ZNF280C: variants seen among roughly 807,000 people sequenced by gnomAD.
ZNF280C encodes the protein suppressor of hairy wing homolog 3.
Under a neutral mutation model 53.6 loss-of-function variants are expected in ZNF280C, and 14 were observed. The ratio of observed to expected loss-of-function variants is 0.26; its 90% CI spans 0.17 to 0.41. ZNF280C has a LOEUF of 0.41. Ranked by LOEUF, ZNF280C falls within the 10% of genes least tolerant of loss-of-function variation. The pLI is 1.00. For synonymous variants in ZNF280C, 203 were observed against 181.1 expected, an observed-to-expected ratio of 1.12 and a Z score of -0.97; for missense variants, 416 against 547.1, an observed-to-expected ratio of 0.76 and a Z score of 2.39.
chrX:130,226,262 T>C (rs1390767271), intron 12 of ZNF280C, among the ~76,000 whole-genome samples: 2 of 111,955 alleles, frequency 1.8e-5, no homozygotes. Flanking sequence ...CAACCACATG[T>C]CTCATAATAA....
chrX:130,249,242 CT>C (rs1235752091), intron 2 of ZNF280C, among the ~76,000 whole-genome samples: 7 of 112,296 alleles, frequency 6.2e-5, no homozygotes, highest in African/African-American at 2.3e-4. Context: ...CCCTGCACCC[CT>C]GAGCCATGCT....
At position 130,226,873 on chromosome X, in the gene ZNF280C, A is replaced by G; in HGVS notation, c.1281T>C (p.Asp427=). 1 of 1,206,302 alleles carries G rather than the reference A, an allele frequency of 8.3e-7. No homozygotes were observed. Among genetic ancestry groups the G allele is most frequent in the South Asian group, 1.8e-5 (1 of 55,410 alleles). Residue 427 remains aspartate, a synonymous_variant, in exon 12 of 19, where the codon GAT becomes GAC. Coordinates refer to ENST00000370978, the MANE Select transcript of ZNF280C (RefSeq NM_017666.5). Reference sequence around the variant, plus strand: ...GGGCTGCTCTAAAATGAGCTTCTACATCAGAAAATGTTGATGATCTAAACT... The same window carrying G: ...GGGCTGCTCTAAAATGAGCTTCTACGTCAGAAAATGTTGATGATCTAAACT... ...VCQFRSSTFS[D]VEAHFRAAHE... is the part of the protein sequence containing the mutation.
At chrX:130,207,945 T>C (rs1161356629) in intron 16 of ZNF280C, among the ~76,000 whole-genome samples, 1 of 111,680 alleles carries the variant, frequency 9.0e-6, no homozygotes, top group African/African-American at 3.3e-5. Context: ...ACCCCTTTAA[T>C]AAATTGTACA....
intron 10 of ZNF280C, 82 bp downstream of exon 10, chrX:130,228,895 C>T: frequency 3.2e-6 from 3 of 932,833 alleles, no homozygotes; most frequent in Non-Finnish European, 4.3e-6. Flanking sequence ...TTATTTTTTT[C>T]TGCCAGAATT....
chrX:130,223,008 AAGTT>A (rs983297136), intron 12 of ZNF280C, among the ~76,000 whole-genome samples: 7 of 111,317 alleles, frequency 6.3e-5, no homozygotes, highest in Non-Finnish European at 1.1e-4. Flanking sequence ...GGTAGAGAAA[AAGTT>A]AAGTGTTGAA....
chrX:130,221,061 C>T (rs1437998635), intron 12 of ZNF280C, among the ~76,000 whole-genome samples: 3 of 111,295 alleles, frequency 2.7e-5, no homozygotes, highest in Non-Finnish European at 3.8e-5. Flanking sequence ...GAAAACCAAA[C>T]GAGGTAACAT....
chrX:130,266,566 T>C (rs2032690493), intron 1 of ZNF280C, among the ~76,000 whole-genome samples: 1 of 110,930 alleles, frequency 9.0e-6, no homozygotes, highest in Non-Finnish European at 1.9e-5. Flanking sequence ...AATGTATACA[T>C]ATCAAAACAT....
Position 130,203,320 on chromosome X carries a change from A to G in ZNF280C, c.*1657T>C, listed in dbSNP as rs1028339470. 10 of 111,568 alleles carry G rather than the reference A, an allele frequency of 9.0e-5. No homozygotes were observed. The highest frequency in any genetic ancestry group is 1.7e-4 in the Non-Finnish European group (9 of 53,169). 9.2% of individuals were successfully genotyped at this position (111,568 alleles called of 1,213,427 possible). A position where few individuals can be genotyped will look rare whatever the true frequency, so the allele number is the denominator to read the frequency against. Reference sequence around the variant, plus strand: ...AGAGTAAAATAAATTTAAGAACAATATAAAACCTAGCTACCAAAATAAAAT... The same window carrying G: ...AGAGTAAAATAAATTTAAGAACAATGTAAAACCTAGCTACCAAAATAAAAT... On this transcript the variant is annotated 3_prime_UTR_variant, in exon 19 of 19. Transcript: ENST00000370978.
At chrX:130,207,420 C>T (rs558041215) in intron 16 of ZNF280C, among the ~76,000 whole-genome samples, 6 of 111,582 alleles carry the variant, frequency 5.4e-5, no homozygotes, top group African/African-American at 1.3e-4. Flanking sequence ...AGTGCAGTGG[C>T]GCGATCTCGG....
At chrX:130,261,049 AAAGT>A (rs2032625450) in intron 1 of ZNF280C, among the ~76,000 whole-genome samples, 1 of 112,231 alleles carries the variant, frequency 8.9e-6, no homozygotes, top group Admixed American at 9.5e-5. Flanking sequence ...AAGTAACAGA[AAAGT>A]AATTGGATAA....
At position 130,227,757 on chromosome X, in the gene ZNF280C, T is replaced by G; in HGVS notation, c.1173A>C (p.Ser391=). 8.3e-7 allele frequency: 1 copy of G among 1,200,735 alleles called. No individual in the cohort carries two copies. Among genetic ancestry groups the G allele is most frequent in the East Asian group, 3.0e-5 (1 of 33,722 alleles). ...GTAAAAGAATATGCTCTGTTTCAAA[T>G]GATAATTCACAGATTTTGCAAATAG... ...FSTICKICEL[S]FETEHILLQH... The change falls in exon 11 of 19, where the codon TCA becomes TCC. Residue 391 remains serine, a synonymous_variant. Coordinates refer to ENST00000370978, the MANE Select transcript of ZNF280C (RefSeq NM_017666.5).
chrX:130,256,983 G>A (rs1025845196), intron 2 of ZNF280C, among the ~76,000 whole-genome samples: 40 of 109,275 alleles, frequency 3.7e-4, no homozygotes, highest in South Asian at 4.0e-4. Context: ...GGCAGATCAC[G>A]GGGTCAGGAG....
At chrX:130,211,125 C>A (rs1315572413) in intron 15 of ZNF280C, among the ~76,000 whole-genome samples, 2 of 112,002 alleles carry the variant, frequency 1.8e-5, no homozygotes, top group Non-Finnish European at 3.8e-5. Flanking sequence ...AAGATTCTGG[C>A]TAGCTGTAAT....
At chrX:130,207,829 T>C (rs754529542) in intron 16 of ZNF280C, among the ~76,000 whole-genome samples, 2 of 111,913 alleles carry the variant, frequency 1.8e-5, no homozygotes, top group East Asian at 2.8e-4. Flanking sequence ...GTGCCTCTTC[T>C]TGTAAGTAGA....
At chrX:130,214,770 G>A (rs1047112236) in intron 15 of ZNF280C, among the ~76,000 whole-genome samples, 1 of 111,980 alleles carries the variant, frequency 8.9e-6, no homozygotes, top group Non-Finnish European at 1.9e-5. Flanking sequence ...GTTTGCACAT[G>A]TTCAGTAAAG....
At chrX:130,232,633 A>G in intron 8 of ZNF280C, among the ~76,000 whole-genome samples, 1 of 111,973 alleles carries the variant, frequency 8.9e-6, no homozygotes, top group Non-Finnish European at 1.9e-5. Flanking sequence ...CAAAACTACA[A>G]TGAGCTATCA....
At position 130,205,366 on chromosome X, in the gene ZNF280C, C is replaced by A; in HGVS notation, c.2092G>T (p.Gly698Cys). 1 of 1,207,576 alleles carries A rather than the reference C, an allele frequency of 8.3e-7. No individual in the cohort carries two copies. The part of the protein sequence containing the change: ...LKCDFLADSS[G>C]LDRMAKHLSQ... ...AAGTGTTTAGCCATACGATCTAAGC[C>A]GGAAGAATCAGCTAGGAAATCACAT... The change falls in exon 17 of 19, where the codon GGC becomes TGC. Residue 698 changes from glycine to cysteine, a missense_variant. Gly to Cys is a radical substitution (Grantham distance 159, BLOSUM62 -3). This residue lies in a region of ZNF280C where 151 missense variants were observed against 176.9 expected (regional missense o/e 0.85). Transcript: ENST00000370978.
chrX:130,241,946 C>T (rs1044348115), intron 5 of ZNF280C, among the ~76,000 whole-genome samples: 3 of 100,724 alleles, frequency 3.0e-5, no homozygotes, highest in Non-Finnish European at 5.9e-5. Context: ...AATAATAGTG[C>T]CCATCTCAGC....
At chrX:130,238,851 C>CA (rs1054924412) in intron 6 of ZNF280C, among the ~76,000 whole-genome samples, 2 of 110,648 alleles carry the variant, frequency 1.8e-5, no homozygotes, top group African/African-American at 6.5e-5. Flanking sequence ...ATTACATATG[C>CA]AAAAAAATTG....
Sources: allele counts gnomAD v4.1 joint callset (sites outside exome capture counted in the v4.1 genomes callset), GRCh38; gene constraint gnomAD v4.1.1; regional missense constraint gnomAD v4.1.1; transcripts MANE v1.5; gene names NCBI Gene and HGNC (gene_info 2026-07-23, HGNC 2026-07-21).